Variants in ZNF766 observed in about 807,000 individuals in gnomAD.
ZNF766 encodes the protein zinc finger protein 766.
A neutral mutation model predicts 13.2 loss-of-function variants in ZNF766; 13 were observed. The observed-to-expected ratio is 0.98, with a 90% CI of 0.64 to 1.56. The LOEUF (loss-of-function observed/expected upper bound fraction) is 1.56, where lower values mean the gene tolerates loss of function less well. ZNF766 is among the 40% of genes most tolerant of loss of function. The probability of loss-of-function intolerance (pLI) is 0.00; values close to 1 mark genes in which losing one functional copy is unlikely to be tolerated. For synonymous variants in ZNF766, 178 were observed against 187.6 expected (o/e 0.95, Z 0.42); for missense variants, 521 against 552.2 (o/e 0.94, Z 0.57).
At position 52,292,218 on chromosome 19, in the gene ZNF766, C is replaced by T; in HGVS notation, c.*1020C>T. 1 of 701,564 alleles carries T rather than the reference C, an allele frequency of 1.4e-6. No individual in the cohort carries two copies. Among genetic ancestry groups the T allele is most frequent in the Non-Finnish European group, 2.6e-6 (1 of 384,444 alleles). 43.5% of individuals were successfully genotyped at this position (701,564 alleles called of 1,614,324 possible). On this transcript the variant is annotated 3_prime_UTR_variant, in exon 4 of 4. Transcript: ENST00000439461. ...TGACTTCATTAGATGAGGAGCGTTT[C>T]TATCCAGTTTCCTGGAGGAATAAGG...
At chr19:52,270,277 G>C (rs1980918798) in intron 1 of ZNF766, among the ~76,000 whole-genome samples, 1 of 152,126 alleles carries the variant, frequency 6.6e-6, no homozygotes, top group Non-Finnish European at 1.5e-5. Context: ...TGGAGAGCGA[G>C]GTAGAGGAAA....
At chr19:52,280,820 T>TCC (rs1343258951) in intron 1 of ZNF766, among the ~76,000 whole-genome samples, 4 of 149,880 alleles carry the variant, frequency 2.7e-5, no homozygotes, top group African/African-American at 9.8e-5. Context: ...GACCCCATGA[T>TCC]CCACCTGCCT....
Position 52,290,085 on chromosome 19 carries a change from A to G in ZNF766, c.294A>G (p.Arg98=). 3 of 1,611,770 alleles carry G rather than the reference A, an allele frequency of 1.9e-6. No homozygotes were observed. Among genetic ancestry groups the G allele is most frequent in the Non-Finnish European group, 2.5e-6 (3 of 1,178,458 alleles). The part of the protein sequence containing the change: ...DINTGRSCAV[R]SKAGNKPITN... ...TCCTAGGGAGGAGCTGTGCAGTGAG[A>G]AGCAAAGCAGGAAACAAGCCTATTA... Residue 98 remains arginine (R), a synonymous_variant, in exon 4 of 4, where the codon AGA becomes AGG. Coordinates refer to ENST00000439461, the MANE Select transcript of ZNF766 (RefSeq NM_001010851.3).
At chr19:52,283,893 A>T (rs892535847) in intron 3 of ZNF766, among the ~76,000 whole-genome samples, 3 of 152,118 alleles carry the variant, frequency 2.0e-5, no homozygotes, top group Non-Finnish European at 4.4e-5. Context: ...GTGCGCCACC[A>T]CGCCCAGCTA....
intron 1 of ZNF766, among the ~76,000 whole-genome samples, chr19:52,270,016 G>A (rs1383308954): frequency 6.6e-6 from 1 of 152,188 alleles, no homozygotes; most frequent in East Asian, 1.9e-4. Flanking sequence ...CCTCTGCCTG[G>A]TCTGGGGATT....
chr19:52,274,793 C>G (rs567958396), intron 1 of ZNF766: 1 of 151,546 alleles, frequency 6.6e-6, no homozygotes, highest in Non-Finnish European at 1.5e-5. Context: ...CCACTGCACT[C>G]CAGCCTGAGC....
rs1980886858 is a variant in ZNF766, at chr19:52,269,716, C to T, written c.18+85C>T. 5.2e-6 allele frequency: 8 copies of T among 1,524,972 alleles called. No individual in the cohort carries two copies. The Admixed American group carries it at 1.3e-4, about 25-fold the overall frequency. 94.5% of individuals were successfully genotyped at this position (1,524,972 alleles called of 1,614,324 possible). Reference sequence around the variant, plus strand: ...CCGGGATGTGGGGGGCGGTACAGACCTTGAAATCCCCGCACCGCTCTCTCC... The same window carrying T: ...CCGGGATGTGGGGGGCGGTACAGACTTTGAAATCCCCGCACCGCTCTCTCC... On this transcript the variant is annotated intron_variant, in intron 1 of 3. Transcript: ENST00000439461.
intron 3 of ZNF766, among the ~76,000 whole-genome samples, chr19:52,288,507 A>T (rs939301887): frequency 5.3e-5 from 8 of 152,216 alleles, no homozygotes; most frequent in African/African-American, 1.7e-4. Flanking sequence ...AGTTGGGACT[A>T]CAAGCACACG....
Position 52,295,110 on chromosome 19 carries a change from C to T in ZNF766, c.*3912C>T, listed in dbSNP as rs939332295. Reference sequence around the variant, plus strand: ...ATTATATTTTGTGTTTATATATGCACGTATAGACACATATATAATATTTTT... The same window carrying T: ...ATTATATTTTGTGTTTATATATGCATGTATAGACACATATATAATATTTTT... On this transcript the variant is annotated 3_prime_UTR_variant, in exon 4 of 4. Transcript: ENST00000439461. 2 of 151,276 alleles carry T rather than the reference C, an allele frequency of 1.3e-5. No homozygotes were observed. The highest frequency in any genetic ancestry group is 2.4e-5 in the African/African-American group (1 of 41,136). The allele number at this position is 151,276 out of a possible 1,614,324, so 9.4% of individuals were successfully genotyped here.
chr19:52,277,468 C>CA (rs764425927), intron 1 of ZNF766: 85 of 1,555,138 alleles, frequency 5.5e-5, no homozygotes, highest in Non-Finnish European at 7.2e-5. Context: ...CAAAAAAAAA[C>CA]AAAAAAAGTC....
intron 1 of ZNF766, among the ~76,000 whole-genome samples, chr19:52,281,625 C>G (rs188604206): frequency 6.6e-6 from 1 of 152,158 alleles, no homozygotes; most frequent in African/African-American, 2.4e-5. Context: ...TGACCTTTTA[C>G]GCAGATTCAG....
chr19:52,284,689 C>G (rs1981720623), intron 3 of ZNF766: 1 of 152,052 alleles, frequency 6.6e-6, no homozygotes, highest in African/African-American at 2.4e-5. Flanking sequence ...ACCTTTCCAT[C>G]TGACCAACCA....
chr19:52,285,644 T>C (rs1188377213), intron 3 of ZNF766, among the ~76,000 whole-genome samples: 1 of 152,192 alleles, frequency 6.6e-6, no homozygotes, highest in Non-Finnish European at 1.5e-5. Context: ...TGTTCAGACA[T>C]CCTGAAGCTC....
intron 3 of ZNF766, among the ~76,000 whole-genome samples, chr19:52,285,703 A>G (rs1981782435): frequency 6.6e-6 from 1 of 152,178 alleles, no homozygotes; most frequent in Non-Finnish European, 1.5e-5. Context: ...TGACATCAGC[A>G]TTCCTTCCCC....
Position 52,294,516 on chromosome 19 carries a change from G to A in ZNF766, c.*3318G>A, listed in dbSNP as rs77054040. ...TTGGTCCAAATATGACTAGGGAATC[G>A]GCATAGGTGACTGGCTTGGGGTATG... is the stretch of plus-strand genomic sequence containing the variant. On this transcript the variant is annotated 3_prime_UTR_variant, in exon 4 of 4. Coordinates refer to ENST00000439461, the MANE Select transcript of ZNF766 (RefSeq NM_001010851.3). 4.6e-5 allele frequency: 7 copies of A among 152,192 alleles called. No individual in the cohort carries two copies. The East Asian group carries it at 7.7e-4, about 17-fold the overall frequency. 9.4% of individuals were successfully genotyped at this position (152,192 alleles called of 1,614,324 possible). A position where few individuals can be genotyped will look rare whatever the true frequency, so the allele number is the denominator to read the frequency against.
At chr19:52,281,475 C>T (rs895081845) in intron 1 of ZNF766, 14 of 270,868 alleles carry the variant, frequency 5.2e-5, no homozygotes, top group South Asian at 4.3e-4. Context: ...GCCGAGATTG[C>T]GCCACTGCAC....
At position 52,292,329 on chromosome 19, in the gene ZNF766, T is replaced by C. The variant is rs1982187869; in HGVS notation, c.*1131T>C. ...AACAAAACCGTGATGGCAGTCATCA[T>C]GCTTATTGCAGTTAGCACACACTTT... On this transcript the variant is annotated 3_prime_UTR_variant, in exon 4 of 4. Coordinates refer to ENST00000439461, the MANE Select transcript of ZNF766 (RefSeq NM_001010851.3). 1.6e-6 allele frequency: 1 copy of C among 625,166 alleles called. No individual in the cohort carries two copies. Among genetic ancestry groups the C allele is most frequent in the Non-Finnish European group, 2.9e-6 (1 of 350,260 alleles). 38.7% of individuals were successfully genotyped at this position (625,166 alleles called of 1,614,324 possible).
intron 1 of ZNF766, among the ~76,000 whole-genome samples, chr19:52,271,170 T>C (rs985149633): frequency 4.6e-5 from 7 of 152,132 alleles, no homozygotes; most frequent in African/African-American, 1.7e-4. Context: ...ATAAAGGTTA[T>C]TACAAAGGAT....
rs553577992 is a variant in ZNF766, at chr19:52,292,466, C to T, written c.*1268C>T. 1.2e-4 allele frequency: 44 copies of T among 367,614 alleles called. No homozygotes were observed. The highest frequency in any genetic ancestry group is 1.8e-4 in the Non-Finnish European group (38 of 205,408). The allele number at this position is 367,614 out of a possible 1,614,324, so 22.8% of individuals were successfully genotyped here. On this transcript the variant is annotated 3_prime_UTR_variant, in exon 4 of 4. Transcript: ENST00000439461. ...AAGAGAGTTCATCAGGGACTGATTA[C>T]GTAGGAGAGACGATGCAGGGGAAAT... is the stretch of plus-strand genomic sequence containing the variant.
Sources: gnomAD v4.1 joint callset for allele counts (sites outside exome capture counted in the v4.1 genomes callset) on GRCh38, gnomAD v4.1.1 for gene constraint, MANE v1.5 for transcripts, NCBI Gene and HGNC (gene_info 2026-07-23, HGNC 2026-07-21) for gene names.